MISFA: variants seen among roughly 807,000 people sequenced by gnomAD.
MISFA encodes mitochondrial sheath formation associated, also known as mitochondrial sheath formation-associated protein.
the MISFA span, chr11:18,608,987 G>A: frequency 0.084 from 12,582 of 150,320 alleles, 1,379 homozygotes; most frequent in African/African-American, 0.26. Context: ...TGATGGGGGA[G>A]GGGAGGAGGG....
the MISFA span, among the ~76,000 whole-genome samples, chr11:18,605,047 C>T: frequency 7.2e-5 from 11 of 151,776 alleles, no homozygotes; most frequent in Admixed American, 6.6e-4. Context: ...GTTCGAGACC[C>T]GCTTGGCCAA....
At chr11:18,603,840 G>A in the MISFA span, 2 of 374,848 alleles carry the variant, frequency 5.3e-6, no homozygotes, top group Non-Finnish European at 9.4e-6. Flanking sequence ...CTGACCAGCT[G>A]TACAGTTCCT....
At chr11:18,599,926 A>T in the MISFA span, 348 of 398,938 alleles carry the variant, frequency 8.7e-4, 3 homozygotes, top group Admixed American at 2.2e-3. Flanking sequence ...TTTACGTTTG[A>T]TCATGATTGT....
chr11:18,606,796 C>T, the MISFA span: 6 of 383,588 alleles, frequency 1.6e-5, no homozygotes, highest in Middle Eastern at 3.5e-4. Flanking sequence ...TTACAAAATA[C>T]AAAACAACAA....
the MISFA span, chr11:18,601,869 A>C: frequency 4.3e-6 from 1 of 230,746 alleles, no homozygotes; most frequent in Non-Finnish European, 8.3e-6. Context: ...TCTGTACAAC[A>C]GGAGATATCA....
the MISFA span, among the ~76,000 whole-genome samples, chr11:18,603,349 A>G: frequency 1.3e-4 from 20 of 152,256 alleles, no homozygotes; most frequent in East Asian, 1.9e-3. Context: ...GAGGGTTCCC[A>G]TTTTCTTTCA....
chr11:18,602,693 G>T, the MISFA span: 1 of 157,354 alleles, frequency 6.4e-6, no homozygotes, highest in Non-Finnish European at 1.4e-5. Flanking sequence ...ATGAATCCAG[G>T]CTTTTTTTCT....
chr11:18,599,942 G>GAT, the MISFA span: 22 of 398,894 alleles, frequency 5.5e-5, no homozygotes, highest in Non-Finnish European at 9.7e-5. Flanking sequence ...ATTGTGCTTG[G>GAT]CTGGATGTTT....
the MISFA span, chr11:18,606,769 C>T: frequency 1.9e-3 from 738 of 385,328 alleles, 6 homozygotes; most frequent in South Asian, 9.4e-3. Context: ...AGAAATTTAC[C>T]AATAGCTGCT....
chr11:18,602,758 G>A, the MISFA span: 8 of 190,650 alleles, frequency 4.2e-5, no homozygotes, highest in Middle Eastern at 2.0e-3. Context: ...GGCAGGTGAC[G>A]AGTTAATGAG....
At chr11:18,600,273 G>A in the MISFA span, among the ~76,000 whole-genome samples, 3 of 151,658 alleles carry the variant, frequency 2.0e-5, no homozygotes, top group Admixed American at 1.3e-4. Context: ...GCGCGATCTC[G>A]GCTCACTGCA....
chr11:18,600,155 G>A, the MISFA span, among the ~76,000 whole-genome samples: 5 of 151,900 alleles, frequency 3.3e-5, no homozygotes, highest in African/African-American at 9.7e-5. Context: ...CCAGGCTACC[G>A]GGCTACTTCC....
chr11:18,605,053 G>T, the MISFA span, among the ~76,000 whole-genome samples: 36 of 152,068 alleles, frequency 2.4e-4, no homozygotes, highest in Non-Finnish European at 1.2e-4. Flanking sequence ...GACCCGCTTG[G>T]CCAACATGGT....
chr11:18,605,857 T>A, the MISFA span, among the ~76,000 whole-genome samples: 1 of 152,178 alleles, frequency 6.6e-6, no homozygotes, highest in African/African-American at 2.4e-5. Flanking sequence ...TTTGTATTTT[T>A]AGTAGAGACG....
At chr11:18,605,607 TC>T in the MISFA span, among the ~76,000 whole-genome samples, 1 of 152,198 alleles carries the variant, frequency 6.6e-6, no homozygotes, top group Admixed American at 6.5e-5. Flanking sequence ...ACTAGCATCT[TC>T]TATTTCTTAT....
At chr11:18,600,441 G>A in the MISFA span, among the ~76,000 whole-genome samples, 1 of 150,156 alleles carries the variant, frequency 6.7e-6, no homozygotes, top group Non-Finnish European at 1.5e-5. Context: ...GACCTCAGGT[G>A]ATCCACCCAC....
the MISFA span, chr11:18,607,901 T>C: frequency 3.3e-5 from 5 of 152,200 alleles, no homozygotes; most frequent in Non-Finnish European, 5.9e-5. Flanking sequence ...TATCATAAAT[T>C]TACTGCTAGT....
chr11:18,607,561 C>G, the MISFA span: 1 of 152,490 alleles, frequency 6.6e-6, no homozygotes. Context: ...AAAAATCAAG[C>G]ATTTAATTTG....
chr11:18,607,353 A>T, the MISFA span: 1 of 152,748 alleles, frequency 6.5e-6, no homozygotes, highest in African/African-American at 2.4e-5. Context: ...AGCAAGTGGG[A>T]CTGTGCAATC....
Sources: gnomAD v4.1 joint callset for allele counts (sites outside exome capture counted in the v4.1 genomes callset) on GRCh38, gnomAD v4.1.1 for gene constraint, MANE v1.5 for transcripts, NCBI Gene and HGNC (gene_info 2026-07-23, HGNC 2026-07-21) for gene names.